Variants in CSMD1 observed in about 807,000 individuals in gnomAD.
CSMD1 encodes CUB and sushi domain-containing protein 1.
Under a neutral mutation model 417.5 loss-of-function variants are expected in CSMD1, and 213 were observed. That is an observed-to-expected ratio of 0.51 (90% CI 0.46 to 0.57). The LOEUF (loss-of-function observed/expected upper bound fraction) is 0.57. Among genes scored for constraint, CSMD1 ranks in the 20% least tolerant of loss-of-function variants. The pLI is 0.00. For missense variants in CSMD1, 6,923 were observed against 4,529.7 expected (o/e 1.53, Z -15.17); for synonymous variants, 2,862 against 1,736.8 (o/e 1.65, Z -16.11).
At chr8:3,996,756 A>G (rs1340985883) in intron 5 of CSMD1, among the ~76,000 whole-genome samples, 2 of 152,182 alleles carry the variant, frequency 1.3e-5, no homozygotes, top group Non-Finnish European at 2.9e-5. Flanking sequence ...CCTCCCTCCT[A>G]TTTGAAATAA....
chr8:4,739,897 G>T (rs943402988), intron 1 of CSMD1, among the ~76,000 whole-genome samples: 5 of 152,032 alleles, frequency 3.3e-5, no homozygotes, highest in Non-Finnish European at 7.4e-5. Context: ...ATTGACAGCC[G>T]TTTCTCCACC....
At chr8:4,659,668 G>C (rs932498796) in intron 1 of CSMD1, among the ~76,000 whole-genome samples, 1 of 152,122 alleles carries the variant, frequency 6.6e-6, no homozygotes, top group Admixed American at 6.6e-5. Context: ...ACTGTTTAAT[G>C]AGTATGGGGT....
chr8:3,359,425 C>T (rs1247608135), intron 20 of CSMD1, 85 bp from the exon 21 acceptor site: 2 of 499,158 alleles, frequency 4.0e-6, no homozygotes, highest in South Asian at 3.8e-5. Flanking sequence ...AGTGCTATTA[C>T]TAAAAAAAAA....
chr8:4,970,927 C>G (rs899279784), intron 1 of CSMD1, among the ~76,000 whole-genome samples: 1 of 151,922 alleles, frequency 6.6e-6, no homozygotes, highest in Non-Finnish European at 1.5e-5. Context: ...TTGGAGTTAC[C>G]TTACAATTCC....
intron 1 of CSMD1, among the ~76,000 whole-genome samples, chr8:4,965,914 A>G (rs185592508): frequency 3.2e-4 from 48 of 152,288 alleles, no homozygotes; most frequent in African/African-American, 1.0e-3. Flanking sequence ...TTGAAGCAGG[A>G]TGTGTATGTA....
chr8:3,458,927 T>A (rs550782133), intron 12 of CSMD1, among the ~76,000 whole-genome samples: 9 of 152,108 alleles, frequency 5.9e-5, no homozygotes, highest in African/African-American at 2.2e-4. Flanking sequence ...CAGGGAAACA[T>A]TGGAAGGAAT....
intron 2 of CSMD1, among the ~76,000 whole-genome samples, chr8:4,448,414 C>T (rs981707346): frequency 6.6e-5 from 10 of 152,134 alleles, no homozygotes; most frequent in African/African-American, 2.4e-4. Flanking sequence ...ACCCTGTGTG[C>T]CCTGATGCAG....
intron 1 of CSMD1, among the ~76,000 whole-genome samples, chr8:4,905,416 A>T (rs1402532575): frequency 6.6e-6 from 1 of 152,074 alleles, no homozygotes; most frequent in Middle Eastern, 3.2e-3. Flanking sequence ...AGATTTATAA[A>T]ATACATATAC....
At chr8:4,619,115 C>G (rs1228478047) in intron 2 of CSMD1, among the ~76,000 whole-genome samples, 6 of 152,226 alleles carry the variant, frequency 3.9e-5, no homozygotes, top group Admixed American at 3.9e-4. Context: ...TTGAATTTCT[C>G]TAGTCTTTTG....
At chr8:3,576,486 C>G (rs13271744) in intron 9 of CSMD1, among the ~76,000 whole-genome samples, 63,296 of 151,906 alleles carry the variant, frequency 0.42, 13,659 homozygotes, top group Middle Eastern at 0.51. Context: ...AATGGGACAA[C>G]ATAATTTGAG....
chr8:4,553,662 C>A (rs996380861), intron 2 of CSMD1, among the ~76,000 whole-genome samples: 1 of 152,148 alleles, frequency 6.6e-6, no homozygotes, highest in African/African-American at 2.4e-5. Flanking sequence ...GAGATCATAA[C>A]TATCTTCAGC....
At chr8:3,594,566 C>T (rs549429950) in intron 8 of CSMD1, among the ~76,000 whole-genome samples, 7 of 152,190 alleles carry the variant, frequency 4.6e-5, no homozygotes, top group Non-Finnish European at 7.3e-5. Flanking sequence ...ACCATGGAGG[C>T]TATCTCCTAC....
intron 10 of CSMD1, among the ~76,000 whole-genome samples, chr8:3,548,406 T>C (rs1221850204): frequency 1.3e-5 from 2 of 152,120 alleles, no homozygotes; most frequent in African/African-American, 2.4e-5. Flanking sequence ...CTGAGCAGTA[T>C]ACACTGCACC....
intron 1 of CSMD1, among the ~76,000 whole-genome samples, chr8:4,955,783 G>GGAATCCCA (rs879805726): frequency 6.6e-6 from 1 of 151,840 alleles, no homozygotes; most frequent in Non-Finnish European, 1.5e-5. Flanking sequence ...ATGTTAGGTG[G>GGAATCCCA]TGGCGTAACA....
At chr8:4,689,490 G>C (rs375104058) in intron 1 of CSMD1, among the ~76,000 whole-genome samples, 1 of 152,138 alleles carries the variant, frequency 6.6e-6, no homozygotes, top group East Asian at 1.9e-4. Flanking sequence ...TTTTCTTTAT[G>C]ACGTATTTCT....
chr8:4,678,682 C>A (rs1805844089), intron 1 of CSMD1, among the ~76,000 whole-genome samples: 1 of 152,138 alleles, frequency 6.6e-6, no homozygotes, highest in African/African-American at 2.4e-5. Context: ...CAACAGAAGG[C>A]ATCCAAATAA....
chr8:3,307,698 A>G lies in CSMD1; in HGVS notation c.3947T>C (p.Ile1316Thr), dbSNP rs779848991. 6.2e-7 allele frequency: 1 copy of G among 1,613,056 alleles called. No individual in the cohort carries two copies. Among genetic ancestry groups the G allele is most frequent in the East Asian group, 2.2e-5 (1 of 44,842 alleles). Residue 1316 changes from isoleucine (I) to threonine (T), a missense_variant, in exon 25 of 70, where the codon ATT (isoleucine) becomes ACT (threonine). By Grantham distance (89) the Ile-to-Thr change is moderately conservative. Coordinates refer to ENST00000635120, the MANE Select transcript of CSMD1 (RefSeq NM_033225.6). ...WIIEADPGKT[I>T]SLHFIVFDTE... is the part of the protein sequence containing the mutation. ...GAAACCAAAATAAAACAAGTACCTA[A>G]TGGTCTTTCCTGGGTCTGCCTCTAT... is the stretch of plus-strand genomic sequence containing the variant.
rs1487130694 is a variant in CSMD1 at position 3,284,325 on chromosome 8, G to A, written c.3972C>T (p.Asp1324=). The A allele has an allele frequency of 6.2e-7, 1 of 1,613,762 alleles. No homozygotes were observed. The highest frequency in any genetic ancestry group is 1.1e-5 in the South Asian group (1 of 91,050). Reference sequence around the variant, plus strand: ...TGAGGATGTCGTGAGCCATCTCCGTGTCGAAAACAATGAAATGGAGGCTGC... The same window carrying A: ...TGAGGATGTCGTGAGCCATCTCCGTATCGAAAACAATGAAATGGAGGCTGC... ...KTISLHFIVF[D]TEMAHDILKV... Residue 1324 remains aspartate, a synonymous_variant, in exon 26 of 70, where the codon GAC becomes GAT. Coordinates refer to ENST00000635120, the MANE Select transcript of CSMD1 (RefSeq NM_033225.6).
At chr8:4,473,275 G>T (rs1444432179) in intron 2 of CSMD1, among the ~76,000 whole-genome samples, 26 of 152,118 alleles carry the variant, frequency 1.7e-4, no homozygotes, top group Admixed American at 1.7e-3. Context: ...TACATTTTCG[G>T]ATTTAGAAAT....
Sources: gnomAD v4.1 joint callset for allele counts (sites outside exome capture counted in the v4.1 genomes callset) on GRCh38, gnomAD v4.1.1 for gene constraint, MANE v1.5 for transcripts, NCBI Gene and HGNC (gene_info 2026-07-23, HGNC 2026-07-21) for gene names.